ATP2B3: variants seen among roughly 807,000 people sequenced by gnomAD.
The protein encoded by ATP2B3 is ATPase plasma membrane Ca2+ transporting 3.
In ATP2B3, 12 loss-of-function variants were observed where a neutral mutation model predicts 70.8. The ratio of observed to expected loss-of-function variants is 0.17; its 90% confidence interval spans 0.11 to 0.27. ATP2B3 has a LOEUF of 0.27. Among genes scored for constraint, ATP2B3 ranks in the 10% least tolerant of loss-of-function variants. ATP2B3 has a pLI of 1.00. For missense variants in ATP2B3, 858 were observed against 1,118.5 expected (o/e 0.77, Z 3.32); for synonymous variants, 460 against 497.8 (o/e 0.92, Z 1.01).
At chrX:153,543,374 G>C (rs947355770) in intron 7 of ATP2B3, among the ~76,000 whole-genome samples, 1 of 112,712 alleles carries the variant, frequency 8.9e-6, no homozygotes, top group Non-Finnish European at 1.9e-5. Context: ...GGCCCCTCCA[G>C]TGCCGTGGAC....
intron 8 of ATP2B3, 134 bp downstream of exon 8, chrX:153,546,263 C>A (rs2090364850): frequency 2.5e-6 from 2 of 785,159 alleles, no homozygotes; most frequent in Admixed American, 2.6e-5. Flanking sequence ...AGTGGGCTGG[C>A]TGCACAGTCC....
chrX:153,571,347 T>C (rs1339980921), intron 21 of ATP2B3, among the ~76,000 whole-genome samples: 3 of 112,324 alleles, frequency 2.7e-5, no homozygotes, highest in Admixed American at 9.3e-5. Context: ...CTTGACTTCC[T>C]CCGTATGTCT....
intron 2 of ATP2B3, among the ~76,000 whole-genome samples, chrX:153,527,307 TAG>T (rs1337942242): frequency 8.9e-6 from 1 of 112,524 alleles, no homozygotes; most frequent in African/African-American, 3.2e-5. Flanking sequence ...CTTTGTAGGC[TAG>T]AGTCTTTCAC....
chrX:153,544,668 G>C (rs1291913690), intron 7 of ATP2B3, among the ~76,000 whole-genome samples: 1 of 111,299 alleles, frequency 9.0e-6, no homozygotes, highest in Non-Finnish European at 1.9e-5. Flanking sequence ...GGCGCAGCCT[G>C]CCAGGTACAC....
At position 153,546,061 on chromosome X, in the gene ATP2B3, G is replaced by A. The variant is rs782675749; in HGVS notation, c.917-27G>A. 45 of 1,209,104 alleles carry A rather than the reference G, an allele frequency of 3.7e-5. No individual in the cohort carries two copies. The South Asian group carries it at 7.0e-4, about 19-fold the overall frequency. On this transcript the variant is annotated intron_variant, in intron 7 of 21. Transcript: ENST00000263519. ...CCCAGGCTGGTGTCCTCAAGCCTTC[G>A]TGTCTGTCATCCCTCTTCCATTGTA...
chrX:153,544,306 C>T, intron 7 of ATP2B3, among the ~76,000 whole-genome samples: 1 of 112,664 alleles, frequency 8.9e-6, no homozygotes, highest in East Asian at 2.8e-4. Context: ...TGGCCCTCTC[C>T]CATCGTCCAC....
chrX:153,526,094 C>T (rs782405169), intron 2 of ATP2B3, among the ~76,000 whole-genome samples: 9 of 112,425 alleles, frequency 8.0e-5, no homozygotes, highest in South Asian at 3.7e-4. Flanking sequence ...GAGATGGAGA[C>T]GGGCAGGGTT....
At chrX:153,525,028 C>T (rs974359612) in intron 2 of ATP2B3, among the ~76,000 whole-genome samples, 1 of 111,855 alleles carries the variant, frequency 8.9e-6, no homozygotes, top group Non-Finnish European at 1.9e-5. Context: ...GGCAGTACAG[C>T]GCCATCCTGA....
At chrX:153,553,845 G>A (rs1030668410) in intron 13 of ATP2B3, among the ~76,000 whole-genome samples, 12 of 113,313 alleles carry the variant, frequency 1.1e-4, no homozygotes, top group Admixed American at 4.6e-4. Flanking sequence ...AGACCCTGGA[G>A]AGTGTGGAGG....
chrX:153,541,265 G>A, intron 3 of ATP2B3, 94 bp from the exon 4 acceptor site: 1 of 1,072,726 alleles, frequency 9.3e-7, no homozygotes, highest in South Asian at 2.0e-5. Context: ...CACCCCAGGA[G>A]CAGTCAGTCA....
At chrX:153,524,436 T>A (rs782095585) in intron 2 of ATP2B3, among the ~76,000 whole-genome samples, 2 of 111,683 alleles carry the variant, frequency 1.8e-5, no homozygotes, top group African/African-American at 6.5e-5. Context: ...CAATGCGAAA[T>A]GAGGGGGTGA....
At chrX:153,555,273 C>A (rs1454551663) in intron 13 of ATP2B3, among the ~76,000 whole-genome samples, 1 of 111,080 alleles carries the variant, frequency 9.0e-6, no homozygotes, top group Non-Finnish European at 1.9e-5. Context: ...TCAATGTCCT[C>A]CCCTGGTGTC....
chrX:153,571,679 C>A (rs2090791621), intron 21 of ATP2B3, among the ~76,000 whole-genome samples: 1 of 112,612 alleles, frequency 8.9e-6, no homozygotes, highest in South Asian at 3.7e-4. Flanking sequence ...ACCTCCGGAG[C>A]CTGGCAGTGC....
chrX:153,556,188 G>A lies in ATP2B3; in HGVS notation c.2198G>A (p.Gly733Glu), dbSNP rs1557013418. Residue 733 changes from glycine (G) to glutamate (E), a missense_variant, in exon 14 of 22, where the codon GGG (glycine) becomes GAG (glutamate). Physicochemically the swap from Gly to Glu is moderately conservative, Grantham distance 98. This residue lies in a region of ATP2B3 where 242 missense variants were observed against 281.3 expected (regional missense o/e 0.86). Transcript: ENST00000263519. The stretch of plus-strand genomic sequence containing the variant: ...GGGGAGGACTTCCTGTGCCTAGAAG[G>A]GAAGGAGTTCAACCGGCGGATCCGC... The part of the protein sequence containing the change: ...QPGEDFLCLE[G>E]KEFNRRIRNE... The A allele has an allele frequency of 8.3e-7, 1 of 1,210,715 alleles. No individual in the cohort carries two copies.
At chrX:153,520,270 G>A (rs782804417) in intron 2 of ATP2B3, among the ~76,000 whole-genome samples, 62 of 112,776 alleles carry the variant, frequency 5.5e-4, no homozygotes, top group Non-Finnish European at 9.9e-4. Context: ...GGGGCGCCTT[G>A]CCTGCCCGGT....
chrX:153,575,746 C>T (rs1011785556), intron 21 of ATP2B3, among the ~76,000 whole-genome samples: 1 of 112,099 alleles, frequency 8.9e-6, no homozygotes, highest in Non-Finnish European at 1.9e-5. Context: ...AATGGAAGGC[C>T]GAGAGCCAGA....
Position 153,565,211 on chromosome X carries a change from A to C in ATP2B3, c.3342+108A>C. On this transcript the variant is annotated intron_variant, in intron 21 of 21. Coordinates refer to ENST00000263519, the MANE Select transcript of ATP2B3 (RefSeq NM_001001344.3). ...CGTCTGCACCCGACACCCACAGGGA[A>C]ACCCTTTGGTCTTGCTGCCAAGGTC... 3 of 973,423 alleles carry C rather than the reference A, an allele frequency of 3.1e-6. No individual in the cohort carries two copies. The South Asian group carries it at 7.4e-5, about 24-fold the overall frequency. 80.2% of individuals were successfully genotyped at this position (973,423 alleles called of 1,213,427 possible).
At chrX:153,534,785 G>A (rs2090166565) in intron 2 of ATP2B3, among the ~76,000 whole-genome samples, 1 of 113,260 alleles carries the variant, frequency 8.8e-6, no homozygotes, top group Non-Finnish European at 1.9e-5. Context: ...TAAACGCGCA[G>A]GTGCCCACGC....
rs782081636 is a variant in ATP2B3 at position 153,571,459 on chromosome X, A to T, written c.3342+6356A>T. ...ACGGCCCCACTCCACGCGTTCCTCG[A>T]GCCTTCTCCACAGCTCTGGCCTCAT... On this transcript the variant is annotated intron_variant, in intron 21 of 21. Transcript: ENST00000263519. 2.8e-4 allele frequency among the ~76,000 whole-genome samples: 31 copies of T among 111,535 alleles called. 1 individual carries two copies. The highest frequency in any genetic ancestry group is 7.6e-5 in the Non-Finnish European group (4 of 52,957).
Sources: allele counts gnomAD v4.1 joint callset (sites outside exome capture counted in the v4.1 genomes callset), GRCh38; gene constraint gnomAD v4.1.1; regional missense constraint gnomAD v4.1.1; transcripts MANE v1.5; gene names NCBI Gene and HGNC (gene_info 2026-07-23, HGNC 2026-07-21).